EFTUD2: variants seen among roughly 807,000 people sequenced by gnomAD.
EFTUD2 encodes the protein elongation factor Tu GTP binding domain containing 2, also known as 116 kDa U5 small nuclear ribonucleoprotein component.
EFTUD2 carries 9 observed loss-of-function variants against 114.3 expected under a neutral mutation model. That is an observed-to-expected ratio of 0.08 (90% CI 0.05 to 0.14). EFTUD2 has a LOEUF of 0.14. Among genes scored for constraint, EFTUD2 ranks in the 10% least tolerant of loss-of-function variants. The pLI is 1.00. For synonymous variants in EFTUD2, 449 were observed against 462.3 expected, an observed-to-expected ratio of 0.97 and a Z score of 0.37; for missense variants, 765 against 1,241.2, an observed-to-expected ratio of 0.62 and a Z score of 5.76.
intron 1 of EFTUD2, among the ~76,000 whole-genome samples, chr17:44,897,317 C>T (rs2051407760): frequency 6.6e-6 from 1 of 151,928 alleles, no homozygotes; most frequent in Non-Finnish European, 1.5e-5. Context: ...CCCTGTGTTC[C>T]ATGCACCTGC....
intron 9 of EFTUD2, 81 bp from the exon 10 acceptor site, chr17:44,876,181 T>G (rs922707596): frequency 3.3e-6 from 5 of 1,493,328 alleles, no homozygotes; most frequent in African/African-American, 2.8e-5. Context: ...AAGGCACTAT[T>G]TCAAACCATG....
At chr17:44,880,789 C>T in intron 7 of EFTUD2, 145 bp from the exon 8 acceptor site, 1 of 584,434 alleles carries the variant, frequency 1.7e-6, no homozygotes, top group South Asian at 2.2e-5. Flanking sequence ...CCAGCATGAC[C>T]TTGAAGATAA....
chr17:44,890,040 CTT>C (rs548246159), intron 2 of EFTUD2, among the ~76,000 whole-genome samples: 46 of 152,188 alleles, frequency 3.0e-4, no homozygotes, highest in East Asian at 1.4e-3. Flanking sequence ...GAGTTTCACT[CTT>C]GTTTGCCGGG....
At chr17:44,863,859 A>G in intron 14 of EFTUD2, 77 bp from the exon 15 acceptor site, 1 of 1,569,540 alleles carries the variant, frequency 6.4e-7, no homozygotes, top group African/African-American at 1.4e-5. Flanking sequence ...GCCATTCACA[A>G]TGGTCAAAAA....
chr17:44,890,185 TATTTTTG>T (rs1218582769), intron 2 of EFTUD2, among the ~76,000 whole-genome samples: 1 of 151,476 alleles, frequency 6.6e-6, no homozygotes, highest in East Asian at 2.0e-4. Flanking sequence ...TGTATTTTTG[TATTTTTG>T]TATTTTTAAT....
At chr17:44,881,974 C>A in intron 6 of EFTUD2, 1 of 463,908 alleles carries the variant, frequency 2.2e-6, no homozygotes, top group Non-Finnish European at 3.9e-6. Context: ...TCTTGTAGCC[C>A]AGGCTGGAGT....
At chr17:44,876,245 G>A in intron 9 of EFTUD2, 145 bp from the exon 10 acceptor site, 1 of 949,902 alleles carries the variant, frequency 1.1e-6, no homozygotes, top group Non-Finnish European at 1.5e-6. Flanking sequence ...GAAGCAGAGA[G>A]CATCCTGCCC....
chr17:44,863,618 A>G, intron 15 of EFTUD2, 37 bp downstream of exon 15: 1 of 1,600,256 alleles, frequency 6.2e-7, no homozygotes, highest in Non-Finnish European at 8.5e-7. Flanking sequence ...GGAAGGGGAA[A>G]AAAAGACCAG....
At chr17:44,872,424 C>G in intron 11 of EFTUD2, 22 bp downstream of exon 11, 1 of 1,609,884 alleles carries the variant, frequency 6.2e-7, no homozygotes, top group South Asian at 1.1e-5. Context: ...GCTGGTGAGA[C>G]AGACTGCCAG....
chr17:44,886,520 G>C, intron 3 of EFTUD2, 65 bp downstream of exon 3: 25 of 1,584,334 alleles, frequency 1.6e-5, no homozygotes, highest in Non-Finnish European at 2.2e-5. Context: ...TTTAAGGTTT[G>C]CTGAGAGCTA....
chr17:44,868,193 G>A (rs2050785531), intron 12 of EFTUD2, 94 bp downstream of exon 12: 3 of 1,105,616 alleles, frequency 2.7e-6, no homozygotes, highest in Admixed American at 3.0e-5. Flanking sequence ...AAAAAAAGTA[G>A]GTATTTAATC....
intron 14 of EFTUD2, among the ~76,000 whole-genome samples, chr17:44,864,541 G>A (rs2050711780): frequency 6.6e-6 from 1 of 152,162 alleles, no homozygotes; most frequent in Non-Finnish European, 1.5e-5. Flanking sequence ...TCTTTCTGCT[G>A]TATCACGTGC....
Position 44,850,401 on chromosome 17 carries a change from C to T in EFTUD2, c.*873G>A. On this transcript the variant is annotated 3_prime_UTR_variant, in exon 28 of 28. Coordinates refer to ENST00000426333, the MANE Select transcript of EFTUD2 (RefSeq NM_004247.4). Reference sequence around the variant, plus strand: ...CAGGATGCTGGAGAGAAGTAGGACTCCTATAGGAGCCGGGGCTGTCCAACT... The same window carrying T: ...CAGGATGCTGGAGAGAAGTAGGACTTCTATAGGAGCCGGGGCTGTCCAACT... 1 of 1,608,922 alleles carries T rather than the reference C, an allele frequency of 6.2e-7. No individual in the cohort carries two copies. The highest frequency in any genetic ancestry group is 8.5e-7 in the Non-Finnish European group (1 of 1,176,344).
chr17:44,891,552 ATT>A (rs2051279516), intron 2 of EFTUD2, among the ~76,000 whole-genome samples: 1 of 152,052 alleles, frequency 6.6e-6, no homozygotes, highest in Non-Finnish European at 1.5e-5. Flanking sequence ...GTCTCACTAC[ATT>A]GCCCAAGCTG....
At chr17:44,875,720 A>T (rs1172449385) in intron 10 of EFTUD2, 4 of 443,346 alleles carry the variant, frequency 9.0e-6, no homozygotes, top group African/African-American at 3.9e-5. Flanking sequence ...AAAGAGAAGA[A>T]ATTAATACAG....
At chr17:44,879,460 C>A in intron 9 of EFTUD2, 96 bp downstream of exon 9, 1 of 1,255,358 alleles carries the variant, frequency 8.0e-7, no homozygotes, top group South Asian at 1.2e-5. Flanking sequence ...GTTTCAAGTT[C>A]TCTGGCTCCC....
rs775068230 is a variant in EFTUD2, at chr17:44,854,025, C to T, written c.2347+244G>A. 3.1e-5 allele frequency: 43 copies of T among 1,372,520 alleles called. No individual in the cohort carries two copies. The highest frequency in any genetic ancestry group is 3.6e-5 in the Non-Finnish European group (38 of 1,067,744). The allele number at this position is 1,372,520 out of a possible 1,614,324, so 85.0% of individuals were successfully genotyped here. A position where few individuals can be genotyped will look rare whatever the true frequency, so the allele number is the denominator to read the frequency against. On this transcript the variant is annotated intron_variant, in intron 23 of 27. Transcript: ENST00000426333. The surrounding 1 kb of genome is among the most constrained non-coding windows in gnomAD (Gnocchi z 4.3). ...GATATCTCTTCTCAAATACGTCCAACGCCAAACCCTTCTCAGAAATGAGGA... is the reference window on the plus strand; with the variant it reads ...GATATCTCTTCTCAAATACGTCCAATGCCAAACCCTTCTCAGAAATGAGGA...
chr17:44,857,349 A>C (rs904698679), intron 19 of EFTUD2, 192 bp from the exon 20 acceptor site: 4 of 515,708 alleles, frequency 7.8e-6, no homozygotes, highest in African/African-American at 7.7e-5. Context: ...GCCCAAGAAA[A>C]CTTACTGTAG....
chr17:44,898,861 T>C (rs1481264255), intron 1 of EFTUD2: 2 of 152,216 alleles, frequency 1.3e-5, no homozygotes, highest in East Asian at 1.9e-4. Flanking sequence ...GTGCCTAGCA[T>C]AGACTAAGCC....
Sources: allele counts gnomAD v4.1 joint callset (sites outside exome capture counted in the v4.1 genomes callset), GRCh38; gene constraint gnomAD v4.1.1; non-coding constraint Gnocchi (gnomAD v3.1); transcripts MANE v1.5; gene names NCBI Gene and HGNC (gene_info 2026-07-23, HGNC 2026-07-21).